C9: variants seen among roughly 807,000 people sequenced by gnomAD.
The protein encoded by C9 is complement component C9.
A neutral mutation model predicts 65.4 loss-of-function variants in C9; 63 were observed. The ratio of observed to expected loss-of-function variants is 0.96; its 90% CI spans 0.79 to 1.19. The LOEUF (loss-of-function observed/expected upper bound fraction) is 1.19, where lower values mean the gene tolerates loss of function less well. Among genes scored for constraint, C9 ranks in the 50% most tolerant of loss-of-function variants. The probability of loss-of-function intolerance (pLI) is 0.00; values close to 1 mark genes in which losing one functional copy is unlikely to be tolerated. For synonymous variants in C9, 229 were observed against 227.9 expected (o/e 1.00, Z -0.04); for missense variants, 744 against 670.1 (o/e 1.11, Z -1.22).
intron 7 of C9, among the ~76,000 whole-genome samples, chr5:39,310,909 T>C (rs944540154): frequency 1.3e-5 from 2 of 152,210 alleles, no homozygotes; most frequent in African/African-American, 4.8e-5. Context: ...GATCCATCTC[T>C]CAGTGCTACT....
chr5:39,284,893 A>G lies in C9; in HGVS notation c.*306T>C, dbSNP rs1235982309. 2 of 379,188 alleles carry G rather than the reference A, an allele frequency of 5.3e-6. No homozygotes were observed. The highest frequency in any genetic ancestry group is 4.8e-6 in the Non-Finnish European group (1 of 209,908). The allele number at this position is 379,188 out of a possible 1,614,324, so 23.5% of individuals were successfully genotyped here. ...TTACTTTGAAGTTTTTTAAACCAAC[A>G]TTCTGTTTTTAATTTAATTTTGTTT... is the stretch of plus-strand genomic sequence containing the variant. On this transcript the variant is annotated 3_prime_UTR_variant, in exon 11 of 11. Transcript: ENST00000263408.
At chr5:39,304,550 C>T (rs1267064601) in intron 9 of C9, among the ~76,000 whole-genome samples, 1 of 152,104 alleles carries the variant, frequency 6.6e-6, no homozygotes, top group African/African-American at 2.4e-5. Context: ...TTAACTATAT[C>T]TCATGTTTCT....
intron 5 of C9, among the ~76,000 whole-genome samples, chr5:39,330,563 T>C (rs1307717617): frequency 6.6e-6 from 1 of 152,210 alleles, no homozygotes; most frequent in African/African-American, 2.4e-5. Flanking sequence ...TGACCATGTT[T>C]GGTATTTTCT....
At chr5:39,331,249 A>G (rs558784362) in intron 5 of C9, among the ~76,000 whole-genome samples, 1 of 152,266 alleles carries the variant, frequency 6.6e-6, no homozygotes, top group Non-Finnish European at 1.5e-5. Flanking sequence ...GGTGAGTGAA[A>G]ATAGCCACTC....
chr5:39,296,760 GA>G (rs530709987), intron 9 of C9, among the ~76,000 whole-genome samples: 1 of 151,284 alleles, frequency 6.6e-6, no homozygotes, highest in South Asian at 2.1e-4. Flanking sequence ...CCATAAAAAA[GA>G]ACAAAATCTT....
chr5:39,345,338 C>T lies in C9; in HGVS notation c.78-3142G>A, dbSNP rs138460438. 4.8e-3 allele frequency among the ~76,000 whole-genome samples: 724 copies of T among 151,934 alleles called. 5 individuals are homozygous for T. Among genetic ancestry groups the T allele is most frequent in the African/African-American group, 0.016 (677 of 41,426 alleles). On this transcript the variant is annotated intron_variant, in intron 1 of 10. Coordinates refer to ENST00000263408, the MANE Select transcript of C9 (RefSeq NM_001737.5). ...AAGGGATGGAGGAAGATCTACCAAG[C>T]AAATGAAAAACAAAAAAAGGCAGGG... is the stretch of plus-strand genomic sequence containing the variant.
intron 9 of C9, 32 bp downstream of exon 9, chr5:39,306,585 G>C: frequency 6.5e-7 from 1 of 1,542,044 alleles, no homozygotes; most frequent in South Asian, 1.1e-5. Flanking sequence ...AAATGACACA[G>C]TCTTCTGTTT....
At chr5:39,312,750 TATG>T (rs1753507777) in intron 6 of C9, among the ~76,000 whole-genome samples, 1 of 152,200 alleles carries the variant, frequency 6.6e-6, no homozygotes, top group African/African-American at 2.4e-5. Flanking sequence ...GTGGTTAACA[TATG>T]ATGATTATGT....
Position 39,342,203 on chromosome 5 carries a change from T to A in C9, c.78-7A>T. Reference sequence around the variant, plus strand: ...TGTTAGCTCTGGGTCATAACTAAGATAACAGAACATCCCAGTTTATAATGA... The same window carrying A: ...TGTTAGCTCTGGGTCATAACTAAGAAAACAGAACATCCCAGTTTATAATGA... On this transcript the variant is annotated splice_polypyrimidine_tract_variant and splice_region_variant and intron_variant, in intron 1 of 10. Transcript: ENST00000263408. 1 of 1,442,248 alleles carries A rather than the reference T, an allele frequency of 6.9e-7. No homozygotes were observed. The highest frequency in any genetic ancestry group is 2.3e-5 in the East Asian group (1 of 44,132). 89.3% of individuals were successfully genotyped at this position (1,442,248 alleles called of 1,614,324 possible). A position where few individuals can be genotyped will look rare whatever the true frequency, so the allele number is the denominator to read the frequency against.
chr5:39,328,351 T>C (rs1214703146), intron 5 of C9, among the ~76,000 whole-genome samples: 9 of 152,190 alleles, frequency 5.9e-5, no homozygotes, highest in Admixed American at 5.9e-4. Context: ...TGCTGAAAGA[T>C]TGAGCCTGCT....
chr5:39,328,703 G>C (rs900891061), intron 5 of C9, among the ~76,000 whole-genome samples: 3 of 152,160 alleles, frequency 2.0e-5, no homozygotes, highest in Non-Finnish European at 4.4e-5. Flanking sequence ...GTCTAGATGA[G>C]GCCAAGAAGA....
intron 7 of C9, among the ~76,000 whole-genome samples, chr5:39,309,823 C>G (rs1417639164): frequency 1.3e-5 from 2 of 152,130 alleles, no homozygotes; most frequent in African/African-American, 2.4e-5. Context: ...CTGAGTTATT[C>G]AGGATTAAAG....
chr5:39,338,785 C>T (rs56680816), intron 4 of C9, among the ~76,000 whole-genome samples: 2 of 152,224 alleles, frequency 1.3e-5, no homozygotes, highest in African/African-American at 2.4e-5. Context: ...TGTGGTAAAG[C>T]GTGAGGTATT....
chr5:39,333,459 C>G (rs2111933158), intron 4 of C9, among the ~76,000 whole-genome samples: 1 of 152,292 alleles, frequency 6.6e-6, no homozygotes, highest in Non-Finnish European at 1.5e-5. Flanking sequence ...ACCTGGCTAT[C>G]CCAGTGATCC....
At chr5:39,326,939 AT>A (rs140284125) in intron 5 of C9, among the ~76,000 whole-genome samples, 1 of 152,150 alleles carries the variant, frequency 6.6e-6, no homozygotes, top group East Asian at 1.9e-4. Context: ...GCTGGCATGA[AT>A]TTTTTATTCA....
intron 5 of C9, among the ~76,000 whole-genome samples, chr5:39,319,862 C>T (rs550769995): frequency 6.6e-6 from 1 of 152,222 alleles, no homozygotes; most frequent in East Asian, 1.9e-4. Flanking sequence ...TCTATGGATA[C>T]AGGCACCAGG....
chr5:39,300,525 C>CA (rs1465636644), intron 9 of C9, among the ~76,000 whole-genome samples: 4 of 151,476 alleles, frequency 2.6e-5, no homozygotes, highest in African/African-American at 9.7e-5. Flanking sequence ...AGGACACAAA[C>CA]AAATTGAGAA....
At chr5:39,302,648 C>G (rs1378191577) in intron 9 of C9, among the ~76,000 whole-genome samples, 1 of 152,040 alleles carries the variant, frequency 6.6e-6, no homozygotes, top group Non-Finnish European at 1.5e-5. Context: ...ACTAATACAG[C>G]TTAACATATA....
At chr5:39,343,487 G>T (rs960545509) in intron 1 of C9, among the ~76,000 whole-genome samples, 2 of 152,212 alleles carry the variant, frequency 1.3e-5, no homozygotes, top group African/African-American at 4.8e-5. Flanking sequence ...AGGGGCGCCC[G>T]CCATTGCTGA....
Sources: gnomAD v4.1 joint callset for allele counts (sites outside exome capture counted in the v4.1 genomes callset) on GRCh38, gnomAD v4.1.1 for gene constraint, MANE v1.5 for transcripts, NCBI Gene and HGNC (gene_info 2026-07-23, HGNC 2026-07-21) for gene names.